Variants in SH2D4A observed in about 807,000 individuals in gnomAD.
SH2D4A encodes SH2 domain containing 4A, also known as SH2 domain-containing protein 4A.
SH2D4A carries 70 observed loss-of-function variants against 64.7 expected under a neutral mutation model. That is an observed-to-expected ratio of 1.08 (90% CI 0.89 to 1.32). The LOEUF is 1.32. Among genes scored for constraint, SH2D4A ranks in the 40% most tolerant of loss-of-function variants. SH2D4A has a pLI of 0.00. For missense variants in SH2D4A, 706 were observed against 540.1 expected, an observed-to-expected ratio of 1.31 and a Z score of -3.04; for synonymous variants, 268 against 200.7, an observed-to-expected ratio of 1.34 and a Z score of -2.83.
chr8:19,326,930 C>G lies in SH2D4A; in HGVS notation c.182-6025C>G, dbSNP rs373769834. Among the ~76,000 whole-genome samples the G allele has an allele frequency of 3.9e-5, 6 of 152,332 alleles. No homozygotes were observed. In the East Asian group the frequency reaches 1.2e-3, roughly 29 times the overall value. ...TCGAGCCCATCACCTGGGAATAAAT[C>G]CAACTCAACAGTGCTGTGAGTGGCA... On this transcript the variant is annotated intron_variant, in intron 2 of 9. Coordinates refer to ENST00000265807, the MANE Select transcript of SH2D4A (RefSeq NM_022071.4).
intron 8 of SH2D4A, among the ~76,000 whole-genome samples, chr8:19,385,132 T>A (rs2053362622): frequency 6.6e-6 from 1 of 152,172 alleles, no homozygotes; most frequent in South Asian, 2.1e-4. Context: ...TCCCAGTATT[T>A]TATATTTTAA....
intron 8 of SH2D4A, among the ~76,000 whole-genome samples, chr8:19,377,870 G>A (rs10094541): frequency 0.18 from 27,624 of 151,970 alleles, 2,823 homozygotes; most frequent in African/African-American, 0.27. Context: ...TGCATCTTTA[G>A]TTACACTGCA....
chr8:19,379,272 T>A (rs2053250438), intron 8 of SH2D4A, among the ~76,000 whole-genome samples: 1 of 152,168 alleles, frequency 6.6e-6, no homozygotes, highest in Admixed American at 6.6e-5. Context: ...GTACAGTATT[T>A]GTCTTTCTGT....
chr8:19,314,021 G>A (rs2052041911), intron 1 of SH2D4A, 198 bp downstream of exon 1: 2 of 1,204,670 alleles, frequency 1.7e-6, no homozygotes, highest in South Asian at 3.7e-5. Flanking sequence ...GGCGAGAGCG[G>A]CCGCGGCGGG....
At chr8:19,379,926 G>C (rs2053264715) in intron 8 of SH2D4A, among the ~76,000 whole-genome samples, 1 of 152,032 alleles carries the variant, frequency 6.6e-6, no homozygotes, top group Non-Finnish European at 1.5e-5. Flanking sequence ...TGTAGAGACA[G>C]GATCTCACTG....
At chr8:19,354,940 A>T (rs1340518142) in intron 4 of SH2D4A, among the ~76,000 whole-genome samples, 2 of 152,126 alleles carry the variant, frequency 1.3e-5, no homozygotes, top group African/African-American at 4.8e-5. Flanking sequence ...TTGGTCCAGA[A>T]CTCCAGTTTC....
At chr8:19,318,542 C>A (rs755788151) in intron 1 of SH2D4A, among the ~76,000 whole-genome samples, 1 of 152,140 alleles carries the variant, frequency 6.6e-6, no homozygotes, top group African/African-American at 2.4e-5. Flanking sequence ...AGGAGCCATG[C>A]GGTAAAGTCA....
intron 1 of SH2D4A, among the ~76,000 whole-genome samples, chr8:19,314,819 C>T (rs1165145220): frequency 1.3e-5 from 2 of 152,192 alleles, no homozygotes; most frequent in Non-Finnish European, 2.9e-5. Context: ...TCTCAAATTT[C>T]TGAAGAATAG....
At chr8:19,346,848 C>A (rs1322228357) in intron 4 of SH2D4A, among the ~76,000 whole-genome samples, 1 of 152,186 alleles carries the variant, frequency 6.6e-6, no homozygotes, top group Non-Finnish European at 1.5e-5. Flanking sequence ...TCACCCCCAA[C>A]CCACATCCTC....
At chr8:19,385,497 G>A (rs2053373557) in intron 8 of SH2D4A, among the ~76,000 whole-genome samples, 2 of 152,196 alleles carry the variant, frequency 1.3e-5, no homozygotes, top group South Asian at 2.1e-4. Context: ...CACCACGCCT[G>A]GCCACACTTC....
intron 6 of SH2D4A, among the ~76,000 whole-genome samples, chr8:19,363,017 AT>A (rs373762736): frequency 5.3e-5 from 8 of 150,602 alleles, no homozygotes; most frequent in Admixed American, 1.3e-4. Flanking sequence ...TAGAGGCACC[AT>A]TTTTTTTTGT....
intron 1 of SH2D4A, among the ~76,000 whole-genome samples, chr8:19,316,605 A>C (rs1375330553): frequency 6.6e-6 from 1 of 152,164 alleles, no homozygotes; most frequent in South Asian, 2.1e-4. Flanking sequence ...GTTGACCAGG[A>C]GGAGGCTTCT....
At chr8:19,363,005 T>G (rs1421062327) in intron 6 of SH2D4A, among the ~76,000 whole-genome samples, 1 of 152,166 alleles carries the variant, frequency 6.6e-6, no homozygotes, top group Admixed American at 6.5e-5. Flanking sequence ...AAGTGCCTTA[T>G]GTAGAGGCAC....
At chr8:19,345,446 C>T (rs78710097) in intron 4 of SH2D4A, among the ~76,000 whole-genome samples, 8,462 of 152,288 alleles carry the variant, frequency 0.056, 401 homozygotes, top group African/African-American at 0.11. Context: ...AGCCATACCA[C>T]GAGGTCTAGA....
chr8:19,331,492 C>T lies in SH2D4A; in HGVS notation c.182-1463C>T, dbSNP rs7845033. 4.4e-3 allele frequency among the ~76,000 whole-genome samples: 671 copies of T among 152,194 alleles called. 3 individuals carry two copies. Among genetic ancestry groups the T allele is most frequent in the African/African-American group, 0.015 (621 of 41,546 alleles). On this transcript the variant is annotated intron_variant, in intron 2 of 9. Coordinates refer to ENST00000265807, the MANE Select transcript of SH2D4A (RefSeq NM_022071.4). The stretch of plus-strand genomic sequence containing the variant: ...CTCCTAGGTACGCTCCACCTGCCCC[C>T]GGTTTAAGGGAGCATGACCGATGTG...
chr8:19,385,205 G>GTT (rs1337132697), intron 8 of SH2D4A, among the ~76,000 whole-genome samples: 13 of 138,596 alleles, frequency 9.4e-5, no homozygotes, highest in Middle Eastern at 4.0e-3. Flanking sequence ...CACTTCAGCT[G>GTT]TTTTTTTGTT....
At chr8:19,339,159 A>G (rs1036016184) in intron 4 of SH2D4A, among the ~76,000 whole-genome samples, 2 of 152,238 alleles carry the variant, frequency 1.3e-5, no homozygotes, top group African/African-American at 4.8e-5. Flanking sequence ...GGAAGCATCC[A>G]GCACAGGAGA....
intron 2 of SH2D4A, among the ~76,000 whole-genome samples, chr8:19,324,885 T>C (rs939386376): frequency 6.6e-6 from 1 of 152,192 alleles, no homozygotes; most frequent in African/African-American, 2.4e-5. Flanking sequence ...AAGGTGAAAG[T>C]TCTGATTATC....
Position 19,313,781 on chromosome 8 carries a change from TG to T in SH2D4A, c.-245del. The T allele has an allele frequency of 6.6e-7, 1 of 1,512,588 alleles. No individual in the cohort carries two copies. The highest frequency in any genetic ancestry group is 8.8e-7 in the Non-Finnish European group (1 of 1,135,900). 93.7% of individuals were successfully genotyped at this position (1,512,588 alleles called of 1,614,324 possible). A position where few individuals can be genotyped will look rare whatever the true frequency, so the allele number is the denominator to read the frequency against. ...ACGGCTTCTGGCGGCCAAGTGGATG[TG>T]GCGGGTGATCGAGCCACCCTGCCCA... On this transcript the variant is annotated 5_prime_UTR_variant, in exon 1 of 10. It introduces an in-frame stop codon into an upstream open reading frame of the 5' UTR. Transcript: ENST00000265807.
Sources: gnomAD v4.1 joint callset for allele counts (sites outside exome capture counted in the v4.1 genomes callset) on GRCh38, gnomAD v4.1.1 for gene constraint, MANE v1.5 for transcripts, NCBI Gene and HGNC (gene_info 2026-07-23, HGNC 2026-07-21) for gene names.